The following NDUFAF6 variants were observed in gnomAD, a reference collection of about 807,000 sequenced individuals.
NDUFAF6 encodes the protein NADH dehydrogenase (ubiquinone) complex I, assembly factor 6.
Under a neutral mutation model 40.8 loss-of-function variants are expected in NDUFAF6, and 45 were observed. That is an observed-to-expected ratio of 1.10 (90% confidence interval 0.87 to 1.42). The LOEUF (loss-of-function observed/expected upper bound fraction) is 1.42. Among genes scored for constraint, NDUFAF6 ranks in the 40% most tolerant of loss-of-function variants. The pLI is 0.00. For synonymous variants in NDUFAF6, 185 were observed against 155.9 expected, an observed-to-expected ratio of 1.19 and a Z score of -1.39; for missense variants, 435 against 418.5, an observed-to-expected ratio of 1.04 and a Z score of -0.34.
At chr8:95,090,679 G>T (rs1432655878) in intron 2 of NDUFAF6, among the ~76,000 whole-genome samples, 1 of 152,152 alleles carries the variant, frequency 6.6e-6, no homozygotes, top group Non-Finnish European at 1.5e-5. Flanking sequence ...TGGATTGAAG[G>T]ATACAAAGTA....
intron 1 of NDUFAF6, among the ~76,000 whole-genome samples, chr8:95,027,977 A>T (rs987179735): frequency 6.6e-6 from 1 of 152,216 alleles, no homozygotes; most frequent in Admixed American, 6.5e-5. Flanking sequence ...TGAGGAGGAT[A>T]AACACAGAGC....
intron 3 of NDUFAF6, among the ~76,000 whole-genome samples, chr8:95,035,994 T>C (rs1192153478): frequency 6.6e-6 from 1 of 152,220 alleles, no homozygotes; most frequent in Non-Finnish European, 1.5e-5. Context: ...CTGTAGAACA[T>C]GTATTAATCT....
chr8:95,089,235 AT>A (rs1405940702), intron 2 of NDUFAF6, among the ~76,000 whole-genome samples: 1 of 150,474 alleles, frequency 6.6e-6, no homozygotes, highest in African/African-American at 2.5e-5. Context: ...TAATGTTTGT[AT>A]TTTTGTGGAG....
chr8:94,912,673 C>T (rs1818859120), intron 1 of NDUFAF6, among the ~76,000 whole-genome samples: 1 of 152,060 alleles, frequency 6.6e-6, no homozygotes, highest in South Asian at 2.1e-4. Context: ...ATTAGCTGGG[C>T]GTGGTGGCGG....
At chr8:95,044,877 C>T (rs1830558791) in intron 4 of NDUFAF6, among the ~76,000 whole-genome samples, 1 of 151,828 alleles carries the variant, frequency 6.6e-6, no homozygotes, top group East Asian at 1.9e-4. Context: ...GTAAAAGTGG[C>T]TAAGTGTTCT....
chr8:94,981,935 A>C (rs1269651995), intron 2 of NDUFAF6, among the ~76,000 whole-genome samples: 1 of 152,004 alleles, frequency 6.6e-6, no homozygotes, highest in African/African-American at 2.4e-5. Flanking sequence ...CTCAAAAAAA[A>C]AAAAAAAAAA....
chr8:94,905,270 T>C (rs1487918576), intron 1 of NDUFAF6, among the ~76,000 whole-genome samples: 2 of 147,812 alleles, frequency 1.4e-5, no homozygotes, highest in African/African-American at 2.5e-5. Context: ...GGGAGGAAGT[T>C]TTGCCACTCC....
rs181130611 is a variant in NDUFAF6 at position 95,040,504 on chromosome 8, A to G, written c.421-1066A>G. Reference sequence around the variant, plus strand: ...GCCATTAATGGTTCTTGTCTGATTCAGTCTTTACTCTTATAGTTGCAAAAT... The same window carrying G: ...GCCATTAATGGTTCTTGTCTGATTCGGTCTTTACTCTTATAGTTGCAAAAT... On this transcript the variant is annotated intron_variant, in intron 3 of 8. Transcript: ENST00000396124. Among the ~76,000 whole-genome samples, 381 of 152,338 alleles carry G rather than the reference A, an allele frequency of 2.5e-3. 4 individuals are homozygous for G. The highest frequency in any genetic ancestry group is 8.7e-3 in the African/African-American group (363 of 41,574).
chr8:94,970,657 G>A (rs1210420617), intron 1 of NDUFAF6, among the ~76,000 whole-genome samples: 1 of 152,132 alleles, frequency 6.6e-6, no homozygotes, highest in Non-Finnish European at 1.5e-5. Flanking sequence ...GAAAAGTATG[G>A]CACATTCATA....
intron 2 of NDUFAF6, 75 bp downstream of exon 2, chr8:95,032,169 ATATAGTTGTAATT>A: frequency 8.1e-7 from 1 of 1,240,326 alleles, no homozygotes; most frequent in Non-Finnish European, 1.2e-6. Context: ...CAATAAAGAA[ATATAGTTGTAATT>A]TATATGTTAG....
chr8:95,058,752 A>G, downstream of NDUFAF6: 1 of 989,358 alleles, frequency 1.0e-6, no homozygotes, highest in Non-Finnish European at 1.2e-6. Flanking sequence ...CCCAGTGATG[A>G]GCACTGTGCT....
chr8:94,989,798 G>A (rs1259635558), intron 2 of NDUFAF6, among the ~76,000 whole-genome samples: 2 of 152,108 alleles, frequency 1.3e-5, no homozygotes, highest in African/African-American at 4.8e-5. Flanking sequence ...GTGCAGTGGC[G>A]TTATCATGGC....
At chr8:94,990,611 A>T (rs1422037272) in intron 2 of NDUFAF6, among the ~76,000 whole-genome samples, 1 of 152,182 alleles carries the variant, frequency 6.6e-6, no homozygotes, top group African/African-American at 2.4e-5. Flanking sequence ...CAGCCATGGA[A>T]ACGTGGTTGA....
At chr8:95,039,770 C>A (rs761050894) in intron 3 of NDUFAF6, among the ~76,000 whole-genome samples, 1 of 151,784 alleles carries the variant, frequency 6.6e-6, no homozygotes, top group Non-Finnish European at 1.5e-5. Context: ...ACTACAAGCA[C>A]GTACCAGCAA....
downstream of NDUFAF6, chr8:95,078,656 A>ATATATAT (rs1275855411): frequency 1.8e-4 from 11 of 61,216 alleles, no homozygotes; most frequent in African/African-American, 4.8e-4. Flanking sequence ...TGTTAAAAAA[A>ATATATAT]AAAAAAATAT....
At chr8:95,112,696 C>A (rs1810032175) in intron 4 of NDUFAF6, among the ~76,000 whole-genome samples, 1 of 152,218 alleles carries the variant, frequency 6.6e-6, no homozygotes, top group Non-Finnish European at 1.5e-5. Flanking sequence ...AGACACCTTG[C>A]CATCCTGCTC....
At chr8:94,943,420 A>G (rs1455675405) in intron 1 of NDUFAF6, among the ~76,000 whole-genome samples, 1 of 152,204 alleles carries the variant, frequency 6.6e-6, no homozygotes, top group Non-Finnish European at 1.5e-5. Flanking sequence ...GTCCAGGTTC[A>G]AGGATGCAGT....
chr8:94,996,426 T>C (rs1320378011), intron 2 of NDUFAF6, among the ~76,000 whole-genome samples: 3 of 152,262 alleles, frequency 2.0e-5, no homozygotes, highest in Non-Finnish European at 4.4e-5. Context: ...TATTTTCATG[T>C]ATTTAACTGA....
downstream of NDUFAF6, among the ~76,000 whole-genome samples, chr8:95,105,066 CAGAGAGAGAGAGAGAG>C (rs55705930): frequency 0.063 from 4,557 of 72,760 alleles, 118 homozygotes; most frequent in East Asian, 0.18. Context: ...CACACACACA[CAGAGAGAGAGAGAGAG>C]AGAGAGAGAG....
Sources: gnomAD v4.1 joint callset for allele counts (sites outside exome capture counted in the v4.1 genomes callset) on GRCh38, gnomAD v4.1.1 for gene constraint, MANE v1.5 for transcripts, NCBI Gene and HGNC (gene_info 2026-07-23, HGNC 2026-07-21) for gene names.